The following IQUB variants were observed in gnomAD, a reference collection of about 807,000 sequenced individuals.
The protein encoded by IQUB is IQ motif and ubiquitin-like domain-containing protein.
A neutral mutation model predicts 86.4 loss-of-function variants in IQUB; 86 were observed. That is an observed-to-expected ratio of 1.00 (90% CI 0.84 to 1.19). The LOEUF (loss-of-function observed/expected upper bound fraction) is 1.19. Ranked by LOEUF, IQUB falls within the 50% of genes most tolerant of loss-of-function variation. The pLI, the probability that IQUB is intolerant of heterozygous loss-of-function variation, is 0.00. For missense variants in IQUB, 946 were observed against 916.9 expected, an observed-to-expected ratio of 1.03 and a Z score of -0.41; for synonymous variants, 289 against 304.5, an observed-to-expected ratio of 0.95 and a Z score of 0.53.
At position 123,452,792 on chromosome 7, in the gene IQUB, TG is replaced by T; in HGVS notation, c.2326del (p.His776ThrfsTer9). 6.2e-7 allele frequency: 1 copy of T among 1,613,700 alleles called. No individual in the cohort carries two copies. Among genetic ancestry groups the T allele is most frequent in the South Asian group, 1.1e-5 (1 of 91,042 alleles). ...TATAATCTTAGGTGTTGTGTCTGAG[TG>T]ATACTTCCATCTGATCTCATCAATT... ...GEIDEIRWKY[H>X]SDTTPKIIES... On this transcript the variant is annotated frameshift_variant, in exon 13 of 13. Transcript: ENST00000324698. LOFTEE classifies it low-confidence loss of function (END_TRUNC).
intron 1 of IQUB, among the ~76,000 whole-genome samples, chr7:123,529,430 T>C (rs1797413383): frequency 6.6e-6 from 1 of 151,706 alleles, no homozygotes; most frequent in Non-Finnish European, 1.5e-5. Flanking sequence ...CTAAGCCACA[T>C]GGTAGTCAAC....
chr7:123,506,586 C>T (rs540242812), intron 3 of IQUB, among the ~76,000 whole-genome samples: 1 of 152,116 alleles, frequency 6.6e-6, no homozygotes, highest in East Asian at 1.9e-4. Context: ...GTGCTGAACA[C>T]TTTTAAACAA....
chr7:123,474,959 T>C (rs1189669379), intron 8 of IQUB, among the ~76,000 whole-genome samples: 1 of 152,202 alleles, frequency 6.6e-6, no homozygotes, highest in Non-Finnish European at 1.5e-5. Flanking sequence ...GCTAACTTCA[T>C]CCTTCCCTCA....
chr7:123,532,821 T>A (rs1797599399), intron 1 of IQUB: 1 of 152,222 alleles, frequency 6.6e-6, no homozygotes, highest in African/African-American at 2.4e-5. Context: ...CTCTGGGGCC[T>A]GCGAGCCCCG....
At chr7:123,475,087 C>CT (rs1794689943) in intron 8 of IQUB, among the ~76,000 whole-genome samples, 2 of 152,080 alleles carry the variant, frequency 1.3e-5, no homozygotes, top group African/African-American at 4.8e-5. Context: ...TTAATATTTC[C>CT]TTTATTTAGT....
intron 6 of IQUB, among the ~76,000 whole-genome samples, chr7:123,500,142 A>T (rs968298825): frequency 2.0e-5 from 3 of 152,224 alleles, no homozygotes; most frequent in Non-Finnish European, 4.4e-5. Context: ...GGCAACCAGC[A>T]CCAGGCAACC....
At chr7:123,454,441 T>C (rs1042256380) in intron 12 of IQUB, among the ~76,000 whole-genome samples, 2 of 152,122 alleles carry the variant, frequency 1.3e-5, no homozygotes, top group African/African-American at 4.8e-5. Context: ...TAATATGAAA[T>C]TCCTGCTACA....
chr7:123,523,795 T>C (rs1364020743), intron 1 of IQUB, among the ~76,000 whole-genome samples: 4 of 152,190 alleles, frequency 2.6e-5, no homozygotes, highest in Non-Finnish European at 5.9e-5. Context: ...ATGTCCTGAA[T>C]GGTAATGCCT....
chr7:123,458,789 G>C (rs1176882733), intron 11 of IQUB, among the ~76,000 whole-genome samples: 4 of 151,900 alleles, frequency 2.6e-5, no homozygotes, highest in African/African-American at 9.7e-5. Flanking sequence ...TGAAATTTTT[G>C]CAGTAACAGA....
chr7:123,510,075 T>C (rs781757966), intron 2 of IQUB, 40 bp from the exon 3 acceptor site: 4 of 1,390,580 alleles, frequency 2.9e-6, no homozygotes, highest in African/African-American at 2.9e-5. Context: ...TAGTCAAATA[T>C]AGCAAAGGTC....
chr7:123,457,268 T>C, intron 12 of IQUB, 113 bp downstream of exon 12: 1 of 1,449,794 alleles, frequency 6.9e-7, no homozygotes. Flanking sequence ...ATAAGTTCTG[T>C]TTCTTAATCT....
intron 1 of IQUB, among the ~76,000 whole-genome samples, chr7:123,520,038 G>C (rs1224489089): frequency 7.1e-6 from 1 of 141,308 alleles, no homozygotes; most frequent in Admixed American, 7.6e-5. Context: ...TGTGTGTAGA[G>C]ACACTTCTAT....
rs774513567 is a variant in IQUB at position 123,503,196 on chromosome 7, A to G, written c.694+6T>C. The G allele has an allele frequency of 4.4e-6, 7 of 1,608,792 alleles. No homozygotes were observed. The highest frequency in any genetic ancestry group is 5.9e-6 in the Non-Finnish European group (7 of 1,178,194). The stretch of plus-strand genomic sequence containing the variant: ...TACTTTATCTAAAAGACATCAAATA[A>G]CGAACCAGTTTGGACAGTGACAGTT... On this transcript the variant is annotated splice_donor_region_variant and intron_variant, in intron 4 of 12. Transcript: ENST00000324698.
chr7:123,522,587 T>A (rs1796957371), intron 1 of IQUB, among the ~76,000 whole-genome samples: 1 of 152,204 alleles, frequency 6.6e-6, no homozygotes, highest in African/African-American at 2.4e-5. Context: ...ATATAATAAA[T>A]GTTAGCTAAT....
chr7:123,502,342 TA>T (rs554436519), intron 6 of IQUB: 156 of 443,742 alleles, frequency 3.5e-4, no homozygotes, highest in African/African-American at 3.0e-3. Context: ...TTGAGAAGGC[TA>T]ATAATGGCCA....
intron 12 of IQUB, chr7:123,457,041 C>T: frequency 3.1e-6 from 1 of 319,360 alleles, no homozygotes; most frequent in Non-Finnish European, 4.5e-6. Context: ...AAACTCCATT[C>T]TGTGACAGGC....
At chr7:123,505,454 T>G (rs1459161843) in intron 3 of IQUB, among the ~76,000 whole-genome samples, 1 of 152,148 alleles carries the variant, frequency 6.6e-6, no homozygotes, top group African/African-American at 2.4e-5. Flanking sequence ...ATCCAAGCAT[T>G]TCCATACATC....
chr7:123,477,745 GA>G, intron 8 of IQUB, among the ~76,000 whole-genome samples: 1 of 152,010 alleles, frequency 6.6e-6, no homozygotes, highest in African/African-American at 2.4e-5. Flanking sequence ...AAATTTACAA[GA>G]AAAAAACAAA....
intron 1 of IQUB, among the ~76,000 whole-genome samples, chr7:123,521,017 T>C (rs1796877450): frequency 6.6e-6 from 1 of 152,076 alleles, no homozygotes; most frequent in Non-Finnish European, 1.5e-5. Context: ...ATCAGTCTGA[T>C]TTGGGGTATG....
Sources: allele counts gnomAD v4.1 joint callset (sites outside exome capture counted in the v4.1 genomes callset), GRCh38; gene constraint gnomAD v4.1.1; transcripts MANE v1.5; gene names NCBI Gene and HGNC (gene_info 2026-07-23, HGNC 2026-07-21).